SLC71A1: variants seen among roughly 807,000 people sequenced by gnomAD.
SLC71A1 encodes solute carrier family 71 member 1.
chr1:100,043,450 A>G, the SLC71A1 span, among the ~76,000 whole-genome samples: 1 of 152,330 alleles, frequency 6.6e-6, no homozygotes, highest in East Asian at 1.9e-4. Context: ...TTAAAAAATA[A>G]ATAATACATG....
At chr1:100,071,289 C>CAAAAAAAAAAAAAAAA in the SLC71A1 span, among the ~76,000 whole-genome samples, 71 of 53,388 alleles carry the variant, frequency 1.3e-3, 1 homozygote, top group Non-Finnish European at 1.7e-3. Context: ...CCATCTCTAC[C>CAAAAAAAAAAAAAAAA]AAAAAAAAAA....
chr1:100,054,582 T>G, the SLC71A1 span, among the ~76,000 whole-genome samples: 3 of 152,112 alleles, frequency 2.0e-5, no homozygotes, highest in Non-Finnish European at 4.4e-5. Flanking sequence ...AGCTCCTAGA[T>G]ACACAGTCCA....
At chr1:100,058,794 C>T in the SLC71A1 span, 2 of 818,142 alleles carry the variant, frequency 2.4e-6, no homozygotes, top group Non-Finnish European at 4.1e-6. Context: ...CACGGATGAA[C>T]ATACATAAAT....
chr1:100,042,297 G>A, the SLC71A1 span, among the ~76,000 whole-genome samples: 1 of 152,152 alleles, frequency 6.6e-6, no homozygotes, highest in Non-Finnish European at 1.5e-5. Flanking sequence ...GAATTGCATG[G>A]TCGGAAGTAC....
chr1:100,070,635 T>C, the SLC71A1 span, among the ~76,000 whole-genome samples: 26 of 152,214 alleles, frequency 1.7e-4, no homozygotes, highest in African/African-American at 6.3e-4. Context: ...AAACTGTTTC[T>C]GTTTAACAAT....
the SLC71A1 span, chr1:100,059,941 T>G: frequency 6.2e-7 from 1 of 1,613,408 alleles, no homozygotes; most frequent in Non-Finnish European, 8.5e-7. Context: ...GGGCCGAAAA[T>G]CCTTCTTGCT....
At chr1:100,040,727 A>G in the SLC71A1 span, among the ~76,000 whole-genome samples, 2 of 152,110 alleles carry the variant, frequency 1.3e-5, no homozygotes, top group Non-Finnish European at 2.9e-5. Flanking sequence ...CCCAAAGTGC[A>G]GGGATTACAG....
At chr1:100,078,437 TG>T in the SLC71A1 span, 1 of 1,566,606 alleles carries the variant, frequency 6.4e-7, no homozygotes, top group Non-Finnish European at 8.8e-7. Context: ...TTTGTTTTGC[TG>T]CTCTCCTTAT....
chr1:100,051,160 A>G, the SLC71A1 span, among the ~76,000 whole-genome samples: 2 of 152,116 alleles, frequency 1.3e-5, no homozygotes, highest in South Asian at 2.1e-4. Flanking sequence ...TGGGAGGCCA[A>G]GGCGGGTGGA....
the SLC71A1 span, among the ~76,000 whole-genome samples, chr1:100,040,460 T>TTTTG: frequency 6.6e-6 from 1 of 152,154 alleles, no homozygotes; most frequent in South Asian, 2.1e-4. Context: ...TATGAACTTT[T>TTTTG]TTTGTTTGTT....
At chr1:100,063,091 T>C in the SLC71A1 span, among the ~76,000 whole-genome samples, 1 of 152,160 alleles carries the variant, frequency 6.6e-6, no homozygotes, top group South Asian at 2.1e-4. Context: ...TCAGTGAATT[T>C]TAGTAAATTT....
the SLC71A1 span, among the ~76,000 whole-genome samples, chr1:100,059,677 C>T: frequency 2.0e-5 from 3 of 151,882 alleles, no homozygotes; most frequent in Admixed American, 1.3e-4. Context: ...TAATACCTAC[C>T]TGGAGCCCCA....
chr1:100,049,026 C>T, the SLC71A1 span, among the ~76,000 whole-genome samples: 1 of 152,184 alleles, frequency 6.6e-6, no homozygotes, highest in Admixed American at 6.5e-5. Flanking sequence ...CGTTCCCTCC[C>T]CTCCAACATT....
At chr1:100,067,857 A>G in the SLC71A1 span, 52 of 767,050 alleles carry the variant, frequency 6.8e-5, no homozygotes, top group Non-Finnish European at 1.1e-4. Context: ...ACAGGTAGGA[A>G]GAGAAAAGGG....
chr1:100,080,501 G>A, the SLC71A1 span: 12 of 1,612,744 alleles, frequency 7.4e-6, no homozygotes, highest in African/African-American at 2.7e-5. Flanking sequence ...TGTAGGTGTC[G>A]TTCAAGGAAT....
At chr1:100,069,733 C>A in the SLC71A1 span, 1 of 1,207,422 alleles carries the variant, frequency 8.3e-7, no homozygotes, top group Non-Finnish European at 1.2e-6. Flanking sequence ...CCTGGCTGGC[C>A]ATCCAAACTG....
chr1:100,067,907 G>A, the SLC71A1 span: 3 of 1,150,934 alleles, frequency 2.6e-6, no homozygotes, highest in South Asian at 2.5e-5. Flanking sequence ...TCAAGATTAT[G>A]AAAGGAGTTA....
chr1:100,046,201 C>T, the SLC71A1 span, among the ~76,000 whole-genome samples: 2 of 142,784 alleles, frequency 1.4e-5, no homozygotes, highest in East Asian at 2.0e-4. Context: ...AATGTGATTC[C>T]TCCAAGCCTC....
chr1:100,058,392 C>A, the SLC71A1 span, among the ~76,000 whole-genome samples: 1 of 152,164 alleles, frequency 6.6e-6, no homozygotes, highest in South Asian at 2.1e-4. Context: ...TAATCTTAGA[C>A]AAGATGTTTA....
Sources: gnomAD v4.1 joint callset for allele counts (sites outside exome capture counted in the v4.1 genomes callset) on GRCh38, gnomAD v4.1.1 for gene constraint, MANE v1.5 for transcripts, NCBI Gene and HGNC (gene_info 2026-07-23, HGNC 2026-07-21) for gene names.